Variants in PARD3B observed in about 807,000 individuals in gnomAD.
PARD3B encodes the protein partitioning defective 3 homolog B.
A neutral mutation model predicts 130.2 loss-of-function variants in PARD3B; 103 were observed. The ratio of observed to expected loss-of-function variants is 0.79; its 90% CI spans 0.67 to 0.93. The LOEUF is 0.93. Among genes scored for constraint, PARD3B ranks in the 40% least tolerant of loss-of-function variants. The pLI, the probability that PARD3B is intolerant of heterozygous loss-of-function variation, is 0.00. For synonymous variants in PARD3B, 583 were observed against 553.2 expected, an observed-to-expected ratio of 1.05 and a Z score of -0.76; for missense variants, 1,609 against 1,499.2, an observed-to-expected ratio of 1.07 and a Z score of -1.21.
chr2:205,571,325 G>C (rs2053554160), intron 22 of PARD3B, among the ~76,000 whole-genome samples: 1 of 152,122 alleles, frequency 6.6e-6, no homozygotes, highest in African/African-American at 2.4e-5. Context: ...TTTTACATAT[G>C]AGTAACTTCA....
intron 20 of PARD3B, among the ~76,000 whole-genome samples, chr2:205,472,114 T>C (rs897529585): frequency 2.0e-5 from 3 of 152,232 alleles, no homozygotes; most frequent in Admixed American, 6.5e-5. Context: ...GTACTGGTTT[T>C]TGAAAAGTGT....
At chr2:205,141,283 A>T (rs1421240361) in intron 10 of PARD3B, among the ~76,000 whole-genome samples, 1 of 152,214 alleles carries the variant, frequency 6.6e-6, no homozygotes, top group Non-Finnish European at 1.5e-5. Flanking sequence ...TAAGAAGAAA[A>T]AATAAAAAAA....
At chr2:205,515,857 A>T (rs1488848344) in intron 21 of PARD3B, among the ~76,000 whole-genome samples, 1 of 152,104 alleles carries the variant, frequency 6.6e-6, no homozygotes, top group African/African-American at 2.4e-5. Context: ...TGTCTTTGTC[A>T]TGAAACCTTT....
chr2:205,064,988 A>G (rs1700278343), intron 4 of PARD3B, among the ~76,000 whole-genome samples: 2 of 152,184 alleles, frequency 1.3e-5, no homozygotes, highest in South Asian at 4.1e-4. Context: ...GTTGAATAAA[A>G]ATCTTTGGGA....
At chr2:205,065,431 C>T (rs921822125) in intron 4 of PARD3B, among the ~76,000 whole-genome samples, 3 of 152,112 alleles carry the variant, frequency 2.0e-5, no homozygotes, top group Non-Finnish European at 2.9e-5. Flanking sequence ...ATAAAGATAT[C>T]CTGACCCAAT....
At chr2:205,451,688 G>GTATATATATATATA (rs35082767) in intron 20 of PARD3B, among the ~76,000 whole-genome samples, 2 of 143,744 alleles carry the variant, frequency 1.4e-5, no homozygotes, top group Non-Finnish European at 3.1e-5. Context: ...TATGTAATAG[G>GTATATATATATATA]TATATATATA....
chr2:204,746,932 G>A (rs1322902952), intron 2 of PARD3B, among the ~76,000 whole-genome samples: 46 of 152,140 alleles, frequency 3.0e-4, no homozygotes, highest in Admixed American at 2.9e-3. Context: ...TAGGTTGCCT[G>A]TTCATTCTGA....
At chr2:205,066,345 T>A (rs1187131196) in intron 4 of PARD3B, among the ~76,000 whole-genome samples, 5 of 152,286 alleles carry the variant, frequency 3.3e-5, no homozygotes, top group African/African-American at 4.8e-5. Flanking sequence ...GATAGGTGCC[T>A]TTTTCCTGAA....
At chr2:204,996,979 C>G (rs1031492378) in intron 3 of PARD3B, among the ~76,000 whole-genome samples, 1 of 152,110 alleles carries the variant, frequency 6.6e-6, no homozygotes, top group Admixed American at 6.5e-5. Flanking sequence ...CGCCCACTGT[C>G]TGGCACTCCC....
At chr2:204,940,692 C>G (rs1053894000) in intron 2 of PARD3B, among the ~76,000 whole-genome samples, 18 of 152,086 alleles carry the variant, frequency 1.2e-4, no homozygotes. Context: ...TGAAGGCTAG[C>G]TCTGTTGTCG....
chr2:204,957,220 A>T (rs1320311862), intron 2 of PARD3B, among the ~76,000 whole-genome samples: 1 of 152,206 alleles, frequency 6.6e-6, no homozygotes, highest in Non-Finnish European at 1.5e-5. Flanking sequence ...TTTAATGTGT[A>T]TCTGGCTTCT....
intron 19 of PARD3B, among the ~76,000 whole-genome samples, chr2:205,414,899 A>G (rs1023535106): frequency 6.6e-6 from 1 of 152,134 alleles, no homozygotes; most frequent in Non-Finnish European, 1.5e-5. Flanking sequence ...GTAAAATTTT[A>G]GCTGAATGAG....
chr2:204,772,015 T>C (rs190255755), intron 2 of PARD3B, among the ~76,000 whole-genome samples: 1 of 152,098 alleles, frequency 6.6e-6, no homozygotes, highest in Non-Finnish European at 1.5e-5. Flanking sequence ...TTTAACAATA[T>C]ATGCTTATTT....
At chr2:205,516,950 GTTTATTGAGAGTT>G (rs1468874301) in intron 21 of PARD3B, among the ~76,000 whole-genome samples, 1 of 152,106 alleles carries the variant, frequency 6.6e-6, no homozygotes, top group Admixed American at 6.5e-5. Flanking sequence ...TCAGTACCTA[GTTTATTGAGAGTT>G]TTTAACATGA....
chr2:205,124,366 C>G lies in PARD3B; in HGVS notation c.1205C>G (p.Ser402Cys), dbSNP rs2031125167. Reference protein sequence around the residue: ...GLGFTVVTRDSSIHGPGPIFV... With the variant: ...GLGFTVVTRDCSIHGPGPIFV... ...GGTTTCACTGTGGTTACCAGAGACT[C>G]TTCCATACATGGTCCCGGTCCCATT... Residue 402 changes from serine to cysteine, a missense_variant, in exon 9 of 23, where the codon TCT (serine) becomes TGT (cysteine). Coordinates refer to ENST00000406610, the MANE Select transcript of PARD3B (RefSeq NM_001302769.2). 1.9e-6 allele frequency: 3 copies of G among 1,597,526 alleles called. No homozygotes were observed. The highest frequency in any genetic ancestry group is 2.6e-6 in the Non-Finnish European group (3 of 1,170,984).
At chr2:205,147,208 T>C (rs115063699) in intron 10 of PARD3B, among the ~76,000 whole-genome samples, 1 of 152,164 alleles carries the variant, frequency 6.6e-6, no homozygotes, top group African/African-American at 2.4e-5. Flanking sequence ...AAATTTCTAT[T>C]TGTTATTTTT....
At chr2:204,674,491 C>T (rs1030087) in intron 1 of PARD3B, among the ~76,000 whole-genome samples, 98,734 of 147,344 alleles carry the variant, frequency 0.67, 36,288 homozygotes, top group Non-Finnish European at 0.81. Context: ...CTATTACTGC[C>T]ACACTGAAAA....
chr2:204,708,388 A>AAT (rs1227255138), intron 2 of PARD3B, among the ~76,000 whole-genome samples: 2 of 152,254 alleles, frequency 1.3e-5, no homozygotes, highest in African/African-American at 4.8e-5. Flanking sequence ...TAGAAGAACT[A>AAT]ATATATGTAG....
chr2:205,031,567 G>A (rs1461793257), intron 3 of PARD3B, among the ~76,000 whole-genome samples: 2 of 152,116 alleles, frequency 1.3e-5, no homozygotes, highest in East Asian at 3.9e-4. Context: ...GTGAGTGGTA[G>A]GCCTATGTTG....
Sources: allele counts gnomAD v4.1 joint callset (sites outside exome capture counted in the v4.1 genomes callset), GRCh38; gene constraint gnomAD v4.1.1; transcripts MANE v1.5; gene names NCBI Gene and HGNC (gene_info 2026-07-23, HGNC 2026-07-21).